RIPOR2: variants seen among roughly 807,000 people sequenced by gnomAD.
The protein encoded by RIPOR2 is RHO family interacting cell polarization regulator 2, also known as rho family-interacting cell polarization regulator 2.
Under a neutral mutation model 114.5 loss-of-function variants are expected in RIPOR2, and 39 were observed. The observed-to-expected ratio is 0.34, with a 90% CI of 0.26 to 0.44. The LOEUF (loss-of-function observed/expected upper bound fraction) is 0.44. Ranked by LOEUF, RIPOR2 falls within the 20% of genes least tolerant of loss-of-function variation. The pLI, the probability that RIPOR2 is intolerant of heterozygous loss-of-function variation, is 1.00. For synonymous variants in RIPOR2, 445 were observed against 484.4 expected, an observed-to-expected ratio of 0.92 and a Z score of 1.07; for missense variants, 1,007 against 1,255.1, an observed-to-expected ratio of 0.80 and a Z score of 2.99.
At position 24,914,715 on chromosome 6, in the gene RIPOR2, T is replaced by C. The variant is rs148970046; in HGVS notation, c.61+21123A>G. ...AACGGACTCAGCCAAACAAGTCTTA[T>C]GGTTCTTACTGCCATCGATCAATCC... On this transcript the variant is annotated intron_variant, in intron 1 of 21. Transcript: ENST00000643898. Among the ~76,000 whole-genome samples the C allele has an allele frequency of 5.3e-5, 8 of 152,360 alleles. No homozygotes were observed. In the East Asian group the frequency reaches 9.6e-4, roughly 18 times the overall value.
chr6:24,891,389 C>T lies in RIPOR2; in HGVS notation c.62-15572G>A, dbSNP rs79268154. ...AATGCAAAGCAGTTAGGTATAGCTACGTGCAAATATCTAGATTATTAACAA... is the reference window on the plus strand; with the variant it reads ...AATGCAAAGCAGTTAGGTATAGCTATGTGCAAATATCTAGATTATTAACAA... On this transcript the variant is annotated intron_variant, in intron 1 of 21. Coordinates refer to ENST00000643898, the MANE Select transcript of RIPOR2 (RefSeq NM_001286445.3). Among the ~76,000 whole-genome samples the T allele has an allele frequency of 8.5e-5, 13 of 152,140 alleles. No homozygotes were observed. In the East Asian group the frequency reaches 2.1e-3, roughly 25 times the overall value.
At chr6:24,855,714 C>A (rs1196698190) in intron 8 of RIPOR2, among the ~76,000 whole-genome samples, 1 of 152,118 alleles carries the variant, frequency 6.6e-6, no homozygotes, top group Non-Finnish European at 1.5e-5. Flanking sequence ...ATGTGTTTTG[C>A]CTTCTACAAA....
intron 10 of RIPOR2, 89 bp downstream of exon 10, chr6:24,850,508 C>T: frequency 6.9e-6 from 10 of 1,446,408 alleles, no homozygotes; most frequent in Non-Finnish European, 9.6e-6. Context: ...GATGGAGGGG[C>T]AACAGGCAGG....
chr6:25,016,027 C>T (rs559109373), intron 1 of RIPOR2, among the ~76,000 whole-genome samples: 13 of 150,782 alleles, frequency 8.6e-5, no homozygotes, highest in South Asian at 2.1e-4. Flanking sequence ...CCTCAGCTTC[C>T]GGAGTAGCTG....
chr6:24,838,337 G>A (rs1201969775), intron 14 of RIPOR2, among the ~76,000 whole-genome samples: 1 of 152,186 alleles, frequency 6.6e-6, no homozygotes, highest in Non-Finnish European at 1.5e-5. Context: ...GAAGGGTTGG[G>A]AAAGGGAAGC....
chr6:24,877,749 C>T (rs932060191), intron 1 of RIPOR2, among the ~76,000 whole-genome samples: 7 of 152,134 alleles, frequency 4.6e-5, no homozygotes, highest in African/African-American at 1.4e-4. Context: ...CACACTTGGA[C>T]AGGGGAGGGG....
chr6:24,818,898 T>C (rs909188959), intron 19 of RIPOR2, among the ~76,000 whole-genome samples: 12 of 151,856 alleles, frequency 7.9e-5, no homozygotes, highest in Non-Finnish European at 1.2e-4. Flanking sequence ...CGTGGGCTTT[T>C]ATTGGCCACC....
chr6:24,949,869 G>T (rs996460592), intron 1 of RIPOR2, among the ~76,000 whole-genome samples: 6 of 152,220 alleles, frequency 3.9e-5, no homozygotes, highest in Non-Finnish European at 8.8e-5. Flanking sequence ...AGAATTCTGG[G>T]TGAATTATTT....
At chr6:24,959,244 A>G (rs1312157458) in intron 1 of RIPOR2, among the ~76,000 whole-genome samples, 1 of 152,204 alleles carries the variant, frequency 6.6e-6, no homozygotes, top group Non-Finnish European at 1.5e-5. Context: ...AGGAAGTCAC[A>G]TTCTGAGGTA....
At position 24,809,740 on chromosome 6, in the gene RIPOR2, G is replaced by T; in HGVS notation, c.3020C>A (p.Ala1007Asp). Residue 1007 changes from alanine (A) to aspartate (D), a missense_variant, in exon 21 of 22, where the codon GCC becomes GAC. Physicochemically the swap from Ala to Asp is moderately radical, Grantham distance 126. Transcript: ENST00000643898. ...QSDTEEIRNV[A>D]SETLLSLGED... ...ACCCAGAGACAAGAGGGTTTCTGAG[G>T]CCACATTTCTGATTTCTTCAGTATC... 1.3e-6 allele frequency: 2 copies of T among 1,549,880 alleles called. No homozygotes were observed. Among genetic ancestry groups the T allele is most frequent in the African/African-American group, 1.4e-5 (1 of 73,126 alleles).
chr6:24,877,359 T>G, intron 1 of RIPOR2: 1 of 985,390 alleles, frequency 1.0e-6, no homozygotes. Context: ...TCTTGCGAGG[T>G]ACAGGTGCTG....
chr6:24,843,632 A>C, intron 12 of RIPOR2, 78 bp from the exon 13 acceptor site: 1 of 1,058,396 alleles, frequency 9.4e-7, no homozygotes, highest in Non-Finnish European at 1.3e-6. Flanking sequence ...TTCCAGACAG[A>C]ATATAAGGCA....
chr6:24,924,118 C>G (rs1048487314), intron 1 of RIPOR2, among the ~76,000 whole-genome samples: 3 of 152,166 alleles, frequency 2.0e-5, no homozygotes, highest in Non-Finnish European at 2.9e-5. Flanking sequence ...GGGCAAGAGC[C>G]AGCACTGTTT....
chr6:24,836,809 TACAC>T (rs10623077), intron 14 of RIPOR2, among the ~76,000 whole-genome samples: 68 of 150,660 alleles, frequency 4.5e-4, no homozygotes, highest in Middle Eastern at 3.4e-3. Context: ...ATATTTAAAA[TACAC>T]ACACACACAC....
At chr6:24,849,029 C>T (rs1214399218) in intron 11 of RIPOR2, among the ~76,000 whole-genome samples, 6 of 152,112 alleles carry the variant, frequency 3.9e-5, no homozygotes, top group African/African-American at 1.2e-4. Context: ...CTTAGCCTCC[C>T]GAGTAGCTGG....
chr6:24,877,134 A>G, intron 1 of RIPOR2: 1 of 985,508 alleles, frequency 1.0e-6, no homozygotes, highest in Non-Finnish European at 1.2e-6. Flanking sequence ...CAACAGCAGC[A>G]GAACTCTCTG....
chr6:24,952,067 G>A (rs1159868827), intron 1 of RIPOR2, among the ~76,000 whole-genome samples: 1 of 152,180 alleles, frequency 6.6e-6, no homozygotes, highest in Non-Finnish European at 1.5e-5. Flanking sequence ...ATGCGATGGA[G>A]CAACATAGGA....
chr6:24,957,942 C>CTGTT (rs981639218), intron 1 of RIPOR2, among the ~76,000 whole-genome samples: 1 of 152,018 alleles, frequency 6.6e-6, no homozygotes, highest in African/African-American at 2.4e-5. Flanking sequence ...TCTGATAACA[C>CTGTT]TGTTGGTGGT....
intron 11 of RIPOR2, among the ~76,000 whole-genome samples, chr6:24,848,631 A>G (rs903796305): frequency 4.6e-5 from 7 of 152,234 alleles, no homozygotes; most frequent in Admixed American, 4.6e-4. Context: ...TGGGAAGAGA[A>G]TAACAGTCTG....
Sources: gnomAD v4.1 joint callset for allele counts (sites outside exome capture counted in the v4.1 genomes callset) on GRCh38, gnomAD v4.1.1 for gene constraint, MANE v1.5 for transcripts, NCBI Gene and HGNC (gene_info 2026-07-23, HGNC 2026-07-21) for gene names.